ATP8B4: variants seen among roughly 807,000 people sequenced by gnomAD.
ATP8B4 encodes probable phospholipid-transporting ATPase IM.
Under a neutral mutation model 145.6 loss-of-function variants are expected in ATP8B4, and 133 were observed. The ratio of observed to expected loss-of-function variants is 0.91; its 90% confidence interval spans 0.79 to 1.05. The LOEUF (loss-of-function observed/expected upper bound fraction) is 1.05. Among genes scored for constraint, ATP8B4 ranks in the 50% least tolerant of loss-of-function variants. ATP8B4 has a pLI of 0.00. For synonymous variants in ATP8B4, 507 were observed against 492.9 expected (o/e 1.03, Z -0.38); for missense variants, 1,458 against 1,425.2 (o/e 1.02, Z -0.37).
intron 6 of ATP8B4, among the ~76,000 whole-genome samples, chr15:50,016,073 C>G (rs965515475): frequency 6.6e-6 from 1 of 152,156 alleles, no homozygotes; most frequent in Non-Finnish European, 1.5e-5. Context: ...TCCTATTGTG[C>G]ATTATTCAGA....
chr15:50,062,102 T>C (rs1252069996), intron 3 of ATP8B4, among the ~76,000 whole-genome samples: 4 of 152,156 alleles, frequency 2.6e-5, no homozygotes, highest in Non-Finnish European at 4.4e-5. Flanking sequence ...TAAGCAAGAA[T>C]TACTCAATAC....
At chr15:50,169,945 A>C (rs1206670599) in intron 1 of ATP8B4, among the ~76,000 whole-genome samples, 1 of 152,168 alleles carries the variant, frequency 6.6e-6, no homozygotes, top group Non-Finnish European at 1.5e-5. Context: ...GAGCTCAAAG[A>C]CATGGTCTTC....
At chr15:50,162,752 C>T (rs1232897338) in intron 1 of ATP8B4, among the ~76,000 whole-genome samples, 3 of 152,042 alleles carry the variant, frequency 2.0e-5, no homozygotes, top group Admixed American at 6.6e-5. Flanking sequence ...ATGATCCACC[C>T]GCCTCTGCTT....
At chr15:49,958,864 A>G (rs1237433083) in intron 14 of ATP8B4, among the ~76,000 whole-genome samples, 2 of 152,000 alleles carry the variant, frequency 1.3e-5, no homozygotes, top group Non-Finnish European at 2.9e-5. Context: ...CCAGGTCCAC[A>G]TAATTTTATA....
At chr15:49,949,914 A>G (rs1279639164) in intron 14 of ATP8B4, among the ~76,000 whole-genome samples, 1 of 152,106 alleles carries the variant, frequency 6.6e-6, no homozygotes, top group Non-Finnish European at 1.5e-5. Context: ...TCTATTGAGA[A>G]AATCATGTGA....
chr15:49,890,868 G>A (rs1003739744), intron 23 of ATP8B4, among the ~76,000 whole-genome samples: 1 of 152,214 alleles, frequency 6.6e-6, no homozygotes, highest in African/African-American at 2.4e-5. Context: ...CCACTCCCAT[G>A]TGGGGTGTGG....
chr15:49,927,169 G>GA (rs151198124), intron 16 of ATP8B4, among the ~76,000 whole-genome samples: 2 of 150,458 alleles, frequency 1.3e-5, no homozygotes, highest in Non-Finnish European at 1.5e-5. Context: ...GTTCCCTCTG[G>GA]AAAAAAATCC....
intron 12 of ATP8B4, among the ~76,000 whole-genome samples, chr15:49,977,472 A>G (rs944845022): frequency 1.3e-5 from 2 of 152,114 alleles, no homozygotes; most frequent in African/African-American, 2.4e-5. Flanking sequence ...GCTTAGGGAT[A>G]TAGGAAAACA....
intron 14 of ATP8B4, among the ~76,000 whole-genome samples, chr15:49,937,685 AAATAT>A (rs1258023039): frequency 8.5e-5 from 13 of 152,176 alleles, no homozygotes; most frequent in African/African-American, 2.9e-4. Flanking sequence ...TTGAAACACA[AAATAT>A]GAGTACTTTA....
chr15:49,876,783 C>T (rs2034502669), intron 24 of ATP8B4: 2 of 616,902 alleles, frequency 3.2e-6, no homozygotes, highest in Admixed American at 4.3e-5. Context: ...GTAGCAGAAC[C>T]AGGGCTTGGT....
At chr15:50,140,042 G>C (rs887959442) in intron 1 of ATP8B4, among the ~76,000 whole-genome samples, 1 of 152,102 alleles carries the variant, frequency 6.6e-6, no homozygotes, top group Non-Finnish European at 1.5e-5. Context: ...GGGAGCTAGT[G>C]ATTAAAAAAC....
intron 13 of ATP8B4, 82 bp downstream of exon 13, chr15:49,972,500 T>G: frequency 7.1e-7 from 1 of 1,401,866 alleles, no homozygotes; most frequent in Non-Finnish European, 9.7e-7. Context: ...CTGTTTTGGA[T>G]TTTTAAATTT....
intron 23 of ATP8B4, among the ~76,000 whole-genome samples, chr15:49,888,485 A>C (rs1380328347): frequency 6.6e-6 from 1 of 152,210 alleles, no homozygotes; most frequent in Non-Finnish European, 1.5e-5. Context: ...GTCATCAGAT[A>C]ATATCATCTC....
In ATP8B4 at chr15:50,073,009, TATATATATATACACAC is replaced by T. The variant is rs1427387516; in HGVS notation, c.87+1102_87+1117del. Among the ~76,000 whole-genome samples the T allele has an allele frequency of 6.9e-3, 348 of 50,566 alleles. 12 individuals carry two copies. The highest frequency in any genetic ancestry group is 0.011 in the Middle Eastern group (1 of 94). 33.2% of individuals were successfully genotyped at this position (50,566 alleles called of 152,430 possible). On this transcript the variant is annotated intron_variant, in intron 3 of 27. Transcript: ENST00000284509. ...ATATATATATATATATATATATATA[TATATATATATACACAC>T]ACACACACACACACACACACACACA...
intron 7 of ATP8B4, among the ~76,000 whole-genome samples, chr15:50,007,095 TA>T (rs1041081906): frequency 2.6e-5 from 2 of 77,834 alleles, no homozygotes; most frequent in Admixed American, 1.0e-4. Context: ...ATGCAGAACA[TA>T]AAAAAAATAA....
In ATP8B4 at chr15:49,923,416, T is replaced by G; in HGVS notation, c.1721A>C (p.Asn574Thr). The G allele has an allele frequency of 6.2e-7, 1 of 1,613,522 alleles. No individual in the cohort carries two copies. The highest frequency in any genetic ancestry group is 2.2e-5 in the East Asian group (1 of 44,878). Residue 574 changes from asparagine (N) to threonine (T), a missense_variant, in exon 17 of 28, where the codon AAT becomes ACT. Coordinates refer to ENST00000284509, the MANE Select transcript of ATP8B4 (RefSeq NM_024837.4). ...TGACGTCAAAGACAAAAGGACTTCA[T>G]TGGAAGGATGAAGTTTTTCAAACAG... ...TILFEKLHPS[N>T]EVLLSLTSDH...
intron 5 of ATP8B4, among the ~76,000 whole-genome samples, chr15:50,041,041 G>C (rs891248885): frequency 6.6e-6 from 1 of 152,198 alleles, no homozygotes; most frequent in Non-Finnish European, 1.5e-5. Flanking sequence ...TTAGTACATG[G>C]TAGGGTAAGG....
intron 1 of ATP8B4, among the ~76,000 whole-genome samples, chr15:50,173,447 A>C (rs1307501683): frequency 2.0e-5 from 3 of 152,068 alleles, no homozygotes; most frequent in African/African-American, 7.2e-5. Context: ...GGTTAAATGG[A>C]TTAAGGGCGG....
At chr15:50,174,399 G>C (rs2044732648) in intron 1 of ATP8B4, among the ~76,000 whole-genome samples, 1 of 151,930 alleles carries the variant, frequency 6.6e-6, no homozygotes, top group African/African-American at 2.4e-5. Context: ...AAAACACTAA[G>C]GACTCCCCTA....
Sources: gnomAD v4.1 joint callset for allele counts (sites outside exome capture counted in the v4.1 genomes callset) on GRCh38, gnomAD v4.1.1 for gene constraint, MANE v1.5 for transcripts, NCBI Gene and HGNC (gene_info 2026-07-23, HGNC 2026-07-21) for gene names.